Variants in STPG2 observed in about 807,000 individuals in gnomAD.
STPG2 encodes the protein sperm tail PG-rich repeat containing 2.
In STPG2, 56 loss-of-function variants were observed where a neutral mutation model predicts 54.2. The ratio of observed to expected loss-of-function variants is 1.03; its 90% confidence interval spans 0.83 to 1.29. The LOEUF (loss-of-function observed/expected upper bound fraction) is 1.29, where lower values mean the gene tolerates loss of function less well. STPG2 is among the 50% of genes most tolerant of loss of function. The pLI, the probability that STPG2 is intolerant of heterozygous loss-of-function variation, is 0.00. For synonymous variants in STPG2, 200 were observed against 181.8 expected (o/e 1.10, Z -0.81); for missense variants, 596 against 544.9 (o/e 1.09, Z -0.93).
intron 10 of STPG2, among the ~76,000 whole-genome samples, chr4:97,670,510 A>G (rs1217348815): frequency 6.6e-6 from 1 of 152,220 alleles, no homozygotes; most frequent in Non-Finnish European, 1.5e-5. Context: ...TAATCTCAAT[A>G]GTGCAACTGG....
intron 8 of STPG2, among the ~76,000 whole-genome samples, chr4:97,939,077 T>C (rs544997543): frequency 2.7e-4 from 41 of 152,216 alleles, no homozygotes; most frequent in Non-Finnish European, 4.4e-5. Context: ...CCAAAAGTCA[T>C]TCAGAAGCAT....
At chr4:97,578,362 A>G (rs572642781) in intron 10 of STPG2, among the ~76,000 whole-genome samples, 14 of 152,158 alleles carry the variant, frequency 9.2e-5, no homozygotes, top group African/African-American at 3.4e-4. Flanking sequence ...CCTAAAGAGG[A>G]GGTCATGGGA....
At chr4:97,806,726 G>A (rs1727579898) in intron 9 of STPG2, among the ~76,000 whole-genome samples, 1 of 152,070 alleles carries the variant, frequency 6.6e-6, no homozygotes, top group Non-Finnish European at 1.5e-5. Flanking sequence ...TTGTGGAGGA[G>A]AGGCATTGTT....
intron 8 of STPG2, among the ~76,000 whole-genome samples, chr4:97,885,305 A>G (rs1005638056): frequency 1.3e-5 from 2 of 152,196 alleles, no homozygotes; most frequent in African/African-American, 4.8e-5. Context: ...CCACAACCAT[A>G]AAATAGTATG....
chr4:97,804,542 TTAAAC>T (rs776662138), intron 9 of STPG2, among the ~76,000 whole-genome samples: 11 of 152,332 alleles, frequency 7.2e-5, no homozygotes, highest in Middle Eastern at 3.4e-3. Flanking sequence ...TGTTTGTGCT[TTAAAC>T]TAAGCATTAT....
intron 5 of STPG2, among the ~76,000 whole-genome samples, chr4:98,037,936 GATAA>G (rs1207423997): frequency 1.3e-5 from 2 of 152,114 alleles, no homozygotes; most frequent in African/African-American, 4.8e-5. Context: ...CATGAAAGAA[GATAA>G]ATATAGATCT....
intron 8 of STPG2, among the ~76,000 whole-genome samples, chr4:97,931,961 T>C (rs1365258427): frequency 6.6e-6 from 1 of 152,150 alleles, no homozygotes; most frequent in Non-Finnish European, 1.5e-5. Flanking sequence ...TTCTTCCTGG[T>C]TCAAGTCTTG....
intron 5 of STPG2, among the ~76,000 whole-genome samples, chr4:98,000,629 C>T (rs1424003077): frequency 6.6e-6 from 1 of 152,102 alleles, no homozygotes; most frequent in Admixed American, 6.6e-5. Flanking sequence ...AACAAACATG[C>T]TCTATGTGGT....
At chr4:97,992,458 G>C (rs1448812888) in intron 5 of STPG2, among the ~76,000 whole-genome samples, 1 of 152,092 alleles carries the variant, frequency 6.6e-6, no homozygotes, top group South Asian at 2.1e-4. Context: ...ATTGGTCTGT[G>C]TGCCTATTTC....
At chr4:97,969,401 T>A (rs1734238674) in intron 7 of STPG2, among the ~76,000 whole-genome samples, 1 of 152,122 alleles carries the variant, frequency 6.6e-6, no homozygotes, top group East Asian at 1.9e-4. Context: ...TGACCGTAAA[T>A]CTCTCACTAA....
intron 10 of STPG2, among the ~76,000 whole-genome samples, chr4:97,593,098 G>A (rs900867891): frequency 6.6e-6 from 1 of 152,106 alleles, no homozygotes; most frequent in African/African-American, 2.4e-5. Context: ...GTCCCAGCCT[G>A]GCCACACCTA....
At chr4:98,101,864 T>TCCCCCCCCC (rs140638030) in intron 5 of STPG2, among the ~76,000 whole-genome samples, 4 of 143,876 alleles carry the variant, frequency 2.8e-5, no homozygotes, top group South Asian at 2.3e-4. Flanking sequence ...TTTCATTATC[T>TCCCCCCCCC]TCCCCCTCCC....
chr4:97,629,996 G>A (rs191021599), intron 10 of STPG2, among the ~76,000 whole-genome samples: 5 of 152,034 alleles, frequency 3.3e-5, no homozygotes, highest in Admixed American at 3.3e-4. Context: ...ACATTGAGTT[G>A]TTATTAAATA....
At chr4:97,455,566 A>C (rs1729494541) in intron 4 of STPG2, among the ~76,000 whole-genome samples, 1 of 152,144 alleles carries the variant, frequency 6.6e-6, no homozygotes, top group East Asian at 1.9e-4. Flanking sequence ...CAGGGGAAAA[A>C]CCACCTTCCC....
intron 5 of STPG2, among the ~76,000 whole-genome samples, chr4:97,985,200 T>A (rs532742005): frequency 2.6e-5 from 4 of 152,316 alleles, no homozygotes; most frequent in African/African-American, 9.6e-5. Flanking sequence ...CTAAGTATAA[T>A]GTTTATAAAA....
At chr4:97,586,231 C>T (rs1167768489) in intron 10 of STPG2, among the ~76,000 whole-genome samples, 1 of 151,844 alleles carries the variant, frequency 6.6e-6, no homozygotes, top group East Asian at 1.9e-4. Context: ...ACAGACAATA[C>T]AATCAGTGAA....
chr4:97,606,946 T>C (rs561285320), intron 10 of STPG2, among the ~76,000 whole-genome samples: 1 of 152,026 alleles, frequency 6.6e-6, no homozygotes, highest in Non-Finnish European at 1.5e-5. Context: ...TCAGATGTAC[T>C]GACATGGAAC....
At chr4:97,788,708 C>A (rs1726898883) in intron 9 of STPG2, among the ~76,000 whole-genome samples, 1 of 151,996 alleles carries the variant, frequency 6.6e-6, no homozygotes, top group Non-Finnish European at 1.5e-5. Context: ...TACAAGGGTT[C>A]CCTTTTCTCT....
At chr4:97,893,978 G>A (rs1008709665) in intron 8 of STPG2, among the ~76,000 whole-genome samples, 1 of 151,956 alleles carries the variant, frequency 6.6e-6, no homozygotes, top group African/African-American at 2.4e-5. Flanking sequence ...GAATGTAAGA[G>A]AGGAAAATTA....
Sources: allele counts gnomAD v4.1 joint callset (sites outside exome capture counted in the v4.1 genomes callset), GRCh38; gene constraint gnomAD v4.1.1; transcripts MANE v1.5; gene names NCBI Gene and HGNC (gene_info 2026-07-23, HGNC 2026-07-21).